LAMA5: variants seen among roughly 807,000 people sequenced by gnomAD.
The protein encoded by LAMA5 is laminin subunit alpha-5.
LAMA5 carries 260 observed loss-of-function variants against 433.4 expected under a neutral mutation model. The observed-to-expected ratio is 0.60, with a 90% confidence interval of 0.54 to 0.66. The LOEUF is 0.66. Among genes scored for constraint, LAMA5 ranks in the 30% least tolerant of loss-of-function variants. LAMA5 has a pLI of 0.00. For synonymous variants in LAMA5, 2,620 were observed against 2,226.6 expected, an observed-to-expected ratio of 1.18 and a Z score of -4.97; for missense variants, 5,378 against 5,258.5, an observed-to-expected ratio of 1.02 and a Z score of -0.70.
At position 62,310,438 on chromosome 20, in the gene LAMA5, G is replaced by A. The variant is rs763124441; in HGVS notation, c.10581C>T (p.Ser3527=). The A allele has an allele frequency of 1.5e-5, 24 of 1,604,258 alleles. No homozygotes were observed. Among genetic ancestry groups the A allele is most frequent in the South Asian group, 3.3e-5 (3 of 89,768 alleles). ...ACAGACCTAAAGTGATAACTCCCCC[G>A]CTGCCTGGGAAGAACAGGCCCGCCT... is the stretch of plus-strand genomic sequence containing the variant. ...PLEAGLFFPG[S]GGVITLDLPG... The change falls in exon 76 of 80, where the codon AGC becomes AGT. Residue 3527 remains serine (S), a synonymous_variant. Transcript: ENST00000252999.
At chr20:62,340,317 T>G (rs972903175) in intron 11 of LAMA5, among the ~76,000 whole-genome samples, 1 of 145,104 alleles carries the variant, frequency 6.9e-6, no homozygotes, top group South Asian at 2.3e-4. Flanking sequence ...TTTTTTTTTT[T>G]TTTTTTTTTT....
rs1368479729 is a variant in LAMA5, at chr20:62,316,678, C to G, written c.7749G>C (p.Leu2583=). 6.3e-7 allele frequency: 1 copy of G among 1,596,174 alleles called. No individual in the cohort carries two copies. The highest frequency in any genetic ancestry group is 2.3e-5 in the East Asian group (1 of 44,422). The change falls in exon 57 of 80, where the codon CTG becomes CTC. Residue 2583 remains leucine (L), a synonymous_variant. Coordinates refer to ENST00000252999, the MANE Select transcript of LAMA5 (RefSeq NM_005560.6). ...TCGGAGCCCAGCACTCACCAAGGCC[C>G]AGCCTCTGCTGTTCCTGGAGCATGG... is the stretch of plus-strand genomic sequence containing the variant. ...EEAMLQEQQR[L]GLVWAALQGA...
In LAMA5 at chr20:62,318,996, C is replaced by A; in HGVS notation, c.6889G>T (p.Gly2297Cys). Residue 2297 changes from glycine (G) to cysteine (C), a missense_variant, in exon 52 of 80, where the codon GGC (glycine) becomes TGC (cysteine). Coordinates refer to ENST00000252999, the MANE Select transcript of LAMA5 (RefSeq NM_005560.6). ...GAGGCATTGGCCAGCCCCAGGTGGC[C>A]CGTCTGGGACATGAGCTCTGTGGGG... ...RTLSELMSQT[G>C]HLGLANASAP... 1 of 1,586,548 alleles carries A rather than the reference C, an allele frequency of 6.3e-7. No homozygotes were observed. Among genetic ancestry groups the A allele is most frequent in the South Asian group, 1.1e-5 (1 of 88,188 alleles).
Position 62,312,502 on chromosome 20 carries a change from T to C in LAMA5, c.9258A>G (p.Ser3086=). 4.4e-6 allele frequency: 7 copies of C among 1,598,778 alleles called. No homozygotes were observed. Among genetic ancestry groups the C allele is most frequent in the South Asian group, 2.2e-5 (2 of 91,048 alleles). The change falls in exon 68 of 80, where the codon TCA becomes TCG. Residue 3086 remains serine, a synonymous_variant. Coordinates refer to ENST00000252999, the MANE Select transcript of LAMA5 (RefSeq NM_005560.6). ...SLRRLFPTGG[S]VRGCVKGIKA... ...TGATGCCTTTGACGCAGCCACGGAC[T>C]GAGCCTCCGGTGGGGAAGAGCCGTC...
chr20:62,309,508 T>C (rs769266759), intron 79 of LAMA5, 33 bp from the exon 80 acceptor site: 8 of 1,530,852 alleles, frequency 5.2e-6, no homozygotes, highest in Non-Finnish European at 7.0e-6. Context: ...AGAAGGCTGG[T>C]TGGTGGGCAG....
intron 2 of LAMA5, among the ~76,000 whole-genome samples, chr20:62,355,117 C>A (rs536636653): frequency 6.6e-5 from 10 of 152,330 alleles, no homozygotes; most frequent in African/African-American, 2.4e-4. Flanking sequence ...TGGGGACCAG[C>A]CCCTCCTCTG....
Position 62,333,192 on chromosome 20 carries a change from C to A in LAMA5, c.3180G>T (p.Gly1060=). The change falls in exon 26 of 80, where the codon GGG becomes GGT. Residue 1060 remains glycine, a synonymous_variant. Coordinates refer to ENST00000252999, the MANE Select transcript of LAMA5 (RefSeq NM_005560.6). The part of the protein sequence containing the change: ...LPLDGFPSAA[G]LEALCRQDNS... Reference sequence around the variant, plus strand: ...TGTCCTGGCGACACAGGGCCTCCAGCCCGGCGGCCGAGGGGAAGCCATCCA... The same window carrying A: ...TGTCCTGGCGACACAGGGCCTCCAGACCGGCGGCCGAGGGGAAGCCATCCA... 1 of 1,522,070 alleles carries A rather than the reference C, an allele frequency of 6.6e-7. No individual in the cohort carries two copies. The highest frequency in any genetic ancestry group is 8.8e-7 in the Non-Finnish European group (1 of 1,135,036). The allele number at this position is 1,522,070 out of a possible 1,614,324, so 94.3% of individuals were successfully genotyped here. A position where few individuals can be genotyped will look rare whatever the true frequency, so the allele number is the denominator to read the frequency against.
chr20:62,313,578 G>A (rs1314329164), intron 63 of LAMA5, 71 bp downstream of exon 63: 6 of 1,584,020 alleles, frequency 3.8e-6, no homozygotes, highest in Middle Eastern at 1.8e-4. Flanking sequence ...AAGAACCCGC[G>A]GCTCTCCAGG....
At chr20:62,346,891 G>A (rs765142630) in intron 7 of LAMA5, 22 bp downstream of exon 7, 15 of 1,609,626 alleles carry the variant, frequency 9.3e-6, no homozygotes, top group East Asian at 2.2e-5. Flanking sequence ...CAGGACACAC[G>A]TGTGTGGGAG....
intron 1 of LAMA5, among the ~76,000 whole-genome samples, chr20:62,364,808 C>T (rs1005999228): frequency 3.3e-5 from 5 of 152,372 alleles, no homozygotes; most frequent in African/African-American, 1.2e-4. Context: ...TGTGCATCTC[C>T]TACAGAGGGT....
At chr20:62,365,005 C>G (rs768984206) in intron 1 of LAMA5, among the ~76,000 whole-genome samples, 1 of 152,278 alleles carries the variant, frequency 6.6e-6, no homozygotes, top group South Asian at 2.1e-4. Flanking sequence ...GCCCAATCCG[C>G]GGCCAGGGCG....
In LAMA5 at chr20:62,331,043, A is replaced by G; in HGVS notation, c.3639T>C (p.Phe1213=). The part of the protein sequence containing the change: ...RVSCISSHGA[F]GPNSAACLPS... ...TTACCTGCCATTACCTGTTGGGGCC[A>G]AAGGCGCCGTGGCTGCTGATGCAGC... The change falls in exon 29 of 80, where the codon TTT becomes TTC. Residue 1213 remains phenylalanine, a synonymous_variant. Transcript: ENST00000252999. 1 of 1,598,504 alleles carries G rather than the reference A, an allele frequency of 6.3e-7. No homozygotes were observed. Among genetic ancestry groups the G allele is most frequent in the Non-Finnish European group, 8.5e-7 (1 of 1,173,440 alleles).
At chr20:62,350,659 G>A (rs1418682637) in intron 6 of LAMA5, among the ~76,000 whole-genome samples, 1 of 152,276 alleles carries the variant, frequency 6.6e-6, no homozygotes, top group Middle Eastern at 3.4e-3. Context: ...CCTGCTGGGG[G>A]TCCAGGAGCC....
Position 62,317,361 on chromosome 20 carries a change from C to T in LAMA5, c.7495G>A (p.Ala2499Thr). Reference sequence around the variant, plus strand: ...GCCACCCACCTGGACAGATTGAGTGCCAGCTGGCCCAGCTGCTGTGCGTGG... The same window carrying T: ...GCCACCCACCTGGACAGATTGAGTGTCAGCTGGCCCAGCTGCTGTGCGTGG... ...EAHAQQLGQL[A>T]LNLSSIILDV... is the part of the protein sequence containing the mutation. The change falls in exon 55 of 80, where the codon GCA (alanine) becomes ACA (threonine). Residue 2499 changes from alanine (A) to threonine (T), a missense_variant. Coordinates refer to ENST00000252999, the MANE Select transcript of LAMA5 (RefSeq NM_005560.6). The T allele has an allele frequency of 6.2e-7, 1 of 1,607,936 alleles. No individual in the cohort carries two copies. Among genetic ancestry groups the T allele is most frequent in the Non-Finnish European group, 8.5e-7 (1 of 1,178,748 alleles).
Position 62,329,068 on chromosome 20 carries a change from G to C in LAMA5, c.4236-13C>G, listed in dbSNP as rs1294450126. The C allele has an allele frequency of 6.2e-6, 10 of 1,612,456 alleles. No individual in the cohort carries two copies. The stretch of plus-strand genomic sequence containing the variant: ...TGAGCTGCTGGGGCTACATGGAGGG[G>C]CACGTGGTGAGGCCAGCTCCCGGCC... On this transcript the variant is annotated splice_polypyrimidine_tract_variant and intron_variant, in intron 33 of 79. Coordinates refer to ENST00000252999, the MANE Select transcript of LAMA5 (RefSeq NM_005560.6).
intron 45 of LAMA5, 113 bp from the exon 46 acceptor site, chr20:62,322,871 G>A (rs775586766): frequency 9.0e-5 from 60 of 666,070 alleles, no homozygotes; most frequent in South Asian, 1.9e-4. Flanking sequence ...CCTCCAGGCC[G>A]CCCGGACCAC....
intron 48 of LAMA5, among the ~76,000 whole-genome samples, chr20:62,321,429 GAGGGGTAGGGCCAGCA>G (rs1386326661): frequency 1.1e-4 from 1 of 8,730 alleles, no homozygotes; most frequent in Admixed American, 1.2e-3. Context: ...AGGGTCAGTG[GAGGGGTAGGGCCAGCA>G]GAGGGGTAGG....
intron 1 of LAMA5, among the ~76,000 whole-genome samples, chr20:62,365,949 C>T (rs1171630251): frequency 6.6e-6 from 1 of 152,176 alleles, no homozygotes; most frequent in Non-Finnish European, 1.5e-5. Flanking sequence ...CATTCATCCC[C>T]ATAACGTCTT....
chr20:62,325,321 A>G lies in LAMA5; in HGVS notation c.5524T>C (p.Cys1842Arg). The change falls in exon 41 of 80, where the codon TGC (cysteine) becomes CGC (arginine). Residue 1842 changes from cysteine (C) to arginine (R), a missense_variant. By Grantham distance (180) the Cys-to-Arg change is radical. Transcript: ENST00000252999. ...TGGTGCTGTCCTAACCTCACCTGGC[A>G]TGAGTCCCCCCGGTAGCTGGCGGGG... is the stretch of plus-strand genomic sequence containing the variant. Reference protein sequence around the residue: ...LCPASYRGDSCQECAPGFYRD... With the variant: ...LCPASYRGDSRQECAPGFYRD... 6.3e-7 allele frequency: 1 copy of G among 1,580,868 alleles called. No individual in the cohort carries two copies. The highest frequency in any genetic ancestry group is 8.6e-7 in the Non-Finnish European group (1 of 1,160,974).
Sources: gnomAD v4.1 joint callset for allele counts (sites outside exome capture counted in the v4.1 genomes callset) on GRCh38, gnomAD v4.1.1 for gene constraint, MANE v1.5 for transcripts, NCBI Gene and HGNC (gene_info 2026-07-23, HGNC 2026-07-21) for gene names.